The following CNTNAP2 variants were observed in gnomAD, a reference collection of about 807,000 sequenced individuals.
CNTNAP2 encodes contactin associated protein 2.
Under a neutral mutation model 155.2 loss-of-function variants are expected in CNTNAP2, and 98 were observed. The ratio of observed to expected loss-of-function variants is 0.63; its 90% confidence interval spans 0.54 to 0.75. The LOEUF (loss-of-function observed/expected upper bound fraction) is 0.75. Among genes scored for constraint, CNTNAP2 ranks in the 30% least tolerant of loss-of-function variants. The pLI, the probability that CNTNAP2 is intolerant of heterozygous loss-of-function variation, is 0.00. For missense variants in CNTNAP2, 1,727 were observed against 1,688.1 expected, an observed-to-expected ratio of 1.02 and a Z score of -0.40; for synonymous variants, 651 against 631.2, an observed-to-expected ratio of 1.03 and a Z score of -0.47.
chr7:148,194,010 G>A (rs566843911), intron 18 of CNTNAP2, among the ~76,000 whole-genome samples: 4 of 149,836 alleles, frequency 2.7e-5, no homozygotes, highest in East Asian at 2.0e-4. Context: ...TTGCTCTGTC[G>A]CCCAGGCTGC....
chr7:146,804,734 G>T (rs1220673757), intron 2 of CNTNAP2, among the ~76,000 whole-genome samples: 2 of 152,156 alleles, frequency 1.3e-5, no homozygotes, highest in Non-Finnish European at 2.9e-5. Context: ...CATAATTTTA[G>T]AAAGAGGTTT....
intron 8 of CNTNAP2, among the ~76,000 whole-genome samples, chr7:147,189,605 G>A (rs1029705984): frequency 3.9e-5 from 6 of 152,164 alleles, no homozygotes; most frequent in Admixed American, 3.3e-4. Context: ...ACATCTGTAT[G>A]CATACATTTA....
intron 8 of CNTNAP2, among the ~76,000 whole-genome samples, chr7:147,220,653 A>G (rs998493704): frequency 6.6e-5 from 10 of 152,212 alleles, no homozygotes; most frequent in East Asian, 3.9e-4. Flanking sequence ...TGTAGTTTCA[A>G]TTGAGCATTT....
At chr7:148,394,574 A>G (rs892390347) in intron 22 of CNTNAP2, among the ~76,000 whole-genome samples, 14 of 152,102 alleles carry the variant, frequency 9.2e-5, no homozygotes, top group African/African-American at 3.4e-4. Flanking sequence ...ATTAAGGTTT[A>G]TGTATAAGTT....
intron 9 of CNTNAP2, among the ~76,000 whole-genome samples, chr7:147,395,145 T>C (rs1403895221): frequency 1.3e-5 from 2 of 152,008 alleles, no homozygotes; most frequent in African/African-American, 4.8e-5. Context: ...GTTTGGCTTA[T>C]TTGACATCTG....
At chr7:147,850,053 C>G (rs933503111) in intron 13 of CNTNAP2, 1 of 152,134 alleles carries the variant, frequency 6.6e-6, no homozygotes, top group Admixed American at 6.5e-5. Flanking sequence ...GGGGAAGATC[C>G]TTTTCTGGAA....
chr7:147,121,843 A>G (rs1801119439), intron 6 of CNTNAP2: 1 of 152,308 alleles, frequency 6.6e-6, no homozygotes, highest in South Asian at 2.1e-4. Flanking sequence ...ACCTTAAAAT[A>G]TCCATTAAAA....
intron 13 of CNTNAP2, among the ~76,000 whole-genome samples, chr7:147,837,746 C>A (rs957783104): frequency 6.6e-6 from 1 of 152,158 alleles, no homozygotes; most frequent in African/African-American, 2.4e-5. Context: ...CTATGCAAGT[C>A]CAAAATCCAG....
intron 15 of CNTNAP2, among the ~76,000 whole-genome samples, chr7:148,034,708 A>G (rs1400075856): frequency 2.6e-5 from 4 of 152,234 alleles, no homozygotes; most frequent in African/African-American, 9.6e-5. Context: ...TATAATGGGT[A>G]GAAGCCTGGA....
intron 15 of CNTNAP2, among the ~76,000 whole-genome samples, chr7:147,999,301 C>G (rs933349557): frequency 2.0e-5 from 3 of 152,096 alleles, no homozygotes; most frequent in Non-Finnish European, 4.4e-5. Context: ...CAGATGGTCT[C>G]CTGACCTCAG....
chr7:146,326,125 C>A (rs1339615246), intron 1 of CNTNAP2, among the ~76,000 whole-genome samples: 3 of 152,122 alleles, frequency 2.0e-5, no homozygotes, highest in African/African-American at 4.8e-5. Context: ...AACAAATATT[C>A]TCACTGTTCA....
intron 1 of CNTNAP2, among the ~76,000 whole-genome samples, chr7:146,291,904 C>T (rs1800435102): frequency 1.3e-5 from 2 of 151,844 alleles, no homozygotes; most frequent in African/African-American, 2.4e-5. Flanking sequence ...ATAAAAATGT[C>T]GTGCACATAA....
intron 1 of CNTNAP2, among the ~76,000 whole-genome samples, chr7:146,236,097 ATGATGGG>A (rs1276173133): frequency 6.6e-6 from 1 of 152,110 alleles, no homozygotes; most frequent in African/African-American, 2.4e-5. Context: ...ATACTGCCAT[ATGATGGG>A]TGCCTAACAC....
intron 4 of CNTNAP2, among the ~76,000 whole-genome samples, chr7:147,045,391 A>G (rs1584802087): frequency 6.6e-6 from 1 of 152,202 alleles, no homozygotes; most frequent in African/African-American, 2.4e-5. Context: ...TGGTCAAAAT[A>G]TTAGCTATAA....
intron 15 of CNTNAP2, among the ~76,000 whole-genome samples, chr7:147,980,583 G>A (rs1008819836): frequency 3.3e-5 from 5 of 151,938 alleles, no homozygotes; most frequent in East Asian, 1.9e-4. Flanking sequence ...CCTGGTACTC[G>A]AATTGCCTGG....
intron 11 of CNTNAP2, among the ~76,000 whole-genome samples, chr7:147,491,783 A>G (rs1022272768): frequency 1.3e-5 from 2 of 152,208 alleles, no homozygotes; most frequent in African/African-American, 4.8e-5. Flanking sequence ...GGGCAAAAAG[A>G]AAAATAGAAT....
chr7:146,303,739 T>C (rs1429598768), intron 1 of CNTNAP2, among the ~76,000 whole-genome samples: 1 of 152,172 alleles, frequency 6.6e-6, no homozygotes, highest in African/African-American at 2.4e-5. Context: ...GAAGAATGTA[T>C]AATCTTGATT....
At chr7:147,747,144 A>C (rs906848858) in intron 13 of CNTNAP2, among the ~76,000 whole-genome samples, 1 of 152,188 alleles carries the variant, frequency 6.6e-6, no homozygotes, top group Admixed American at 6.5e-5. Context: ...CCTCTTATCT[A>C]TGTCAGAAAT....
rs71525979 is a variant in CNTNAP2 at position 147,004,212 on chromosome 7, CAAAA to C, written c.403-39683_403-39680del. 9.2e-5 allele frequency among the ~76,000 whole-genome samples: 9 copies of C among 97,728 alleles called. No homozygotes were observed. The South Asian group carries it at 1.3e-3, about 14-fold the overall frequency. The allele number at this position is 97,728 out of a possible 152,430, so 64.1% of individuals were successfully genotyped here. A position where few individuals can be genotyped will look rare whatever the true frequency, so the allele number is the denominator to read the frequency against. ...ATATTAAAACTTAAAACTCATATAC[CAAAA>C]AAAAAAAAAAAGAAAAAGAAAAACG... On this transcript the variant is annotated intron_variant, in intron 3 of 23. Transcript: ENST00000361727.
Sources: gnomAD v4.1 joint callset for allele counts (sites outside exome capture counted in the v4.1 genomes callset) on GRCh38, gnomAD v4.1.1 for gene constraint, MANE v1.5 for transcripts, NCBI Gene and HGNC (gene_info 2026-07-23, HGNC 2026-07-21) for gene names.